RPS6KC1: variants seen among roughly 807,000 people sequenced by gnomAD.
RPS6KC1 encodes the protein ribosomal protein S6 kinase C1, also known as inactive ribosomal protein S6 kinase delta-1.
RPS6KC1 carries 54 observed loss-of-function variants against 103.8 expected under a neutral mutation model. The observed-to-expected ratio is 0.52, with a 90% CI of 0.42 to 0.65. RPS6KC1 has a LOEUF of 0.65. RPS6KC1 is among the 30% of genes least tolerant of loss of function. RPS6KC1 has a pLI of 0.00. For missense variants in RPS6KC1, 1,151 were observed against 1,253.8 expected (o/e 0.92, Z 1.24); for synonymous variants, 439 against 438.7 (o/e 1.00, Z -0.01).
At chr1:213,268,773 A>G (rs966533441) in intron 14 of RPS6KC1, among the ~76,000 whole-genome samples, 48 of 151,808 alleles carry the variant, frequency 3.2e-4, no homozygotes, top group African/African-American at 1.1e-3. Flanking sequence ...TGAAGTAGAT[A>G]AATGATCTTA....
intron 3 of RPS6KC1, among the ~76,000 whole-genome samples, chr1:213,103,694 G>A (rs1363498071): frequency 6.6e-6 from 1 of 152,142 alleles, no homozygotes; most frequent in Non-Finnish European, 1.5e-5. Context: ...ATGTGGTGAT[G>A]CTACTTTTCT....
At chr1:213,562,660 G>A in the RPS6KC1 span, among the ~76,000 whole-genome samples, 6 of 151,864 alleles carry the variant, frequency 4.0e-5, no homozygotes, top group Admixed American at 6.6e-5. Context: ...CAGCCACTGC[G>A]CCTGGCCAAA....
chr1:213,796,206 G>C, the RPS6KC1 span, among the ~76,000 whole-genome samples: 2 of 152,118 alleles, frequency 1.3e-5, no homozygotes, highest in Admixed American at 6.6e-5. Context: ...TTCCCTTCTT[G>C]TTTCATGTTA....
the RPS6KC1 span, among the ~76,000 whole-genome samples, chr1:213,297,043 T>A: frequency 1.3e-5 from 2 of 152,198 alleles, no homozygotes; most frequent in African/African-American, 4.8e-5. Flanking sequence ...TCTACCCTGC[T>A]TGTCTCACAA....
chr1:213,584,111 C>T, the RPS6KC1 span, among the ~76,000 whole-genome samples: 1 of 152,010 alleles, frequency 6.6e-6, no homozygotes, highest in African/African-American at 2.4e-5. Flanking sequence ...GATGTTTTTT[C>T]AAGCAGTTTC....
the RPS6KC1 span, among the ~76,000 whole-genome samples, chr1:213,328,789 C>T: frequency 6.6e-6 from 1 of 151,870 alleles, no homozygotes; most frequent in Admixed American, 6.6e-5. Context: ...TAAATGGACC[C>T]TACAATGGCT....
At chr1:213,429,290 A>T in the RPS6KC1 span, among the ~76,000 whole-genome samples, 1 of 152,080 alleles carries the variant, frequency 6.6e-6, no homozygotes, top group African/African-American at 2.4e-5. Flanking sequence ...AGTAGCTGGG[A>T]CCACAGGCAT....
intron 10 of RPS6KC1, among the ~76,000 whole-genome samples, chr1:213,236,554 G>A (rs543569845): frequency 7.2e-4 from 110 of 152,228 alleles, no homozygotes; most frequent in Middle Eastern, 3.4e-3. Flanking sequence ...TTTTAATAAA[G>A]CCCTTTCTTA....
the RPS6KC1 span, among the ~76,000 whole-genome samples, chr1:213,542,619 A>T: frequency 6.6e-6 from 1 of 152,238 alleles, no homozygotes; most frequent in Non-Finnish European, 1.5e-5. Flanking sequence ...AAAACATGAA[A>T]AAACTAGGCA....
chr1:213,270,819 A>G (rs2095030786), intron 14 of RPS6KC1, among the ~76,000 whole-genome samples: 1 of 152,236 alleles, frequency 6.6e-6, no homozygotes. Flanking sequence ...TTGAATGGCT[A>G]ACGAGCACAT....
chr1:213,533,636 G>C, the RPS6KC1 span, among the ~76,000 whole-genome samples: 1 of 152,166 alleles, frequency 6.6e-6, no homozygotes, highest in African/African-American at 2.4e-5. Flanking sequence ...TTTCATACAA[G>C]GTTTTTTGGA....
At chr1:213,614,753 C>G in the RPS6KC1 span, among the ~76,000 whole-genome samples, 1 of 152,226 alleles carries the variant, frequency 6.6e-6, no homozygotes, top group Non-Finnish European at 1.5e-5. Context: ...AGAAGTTTGC[C>G]ATGGCAGAAC....
At chr1:213,699,295 T>C in the RPS6KC1 span, among the ~76,000 whole-genome samples, 1 of 152,168 alleles carries the variant, frequency 6.6e-6, no homozygotes, top group Admixed American at 6.5e-5. Context: ...CTCACACAAA[T>C]AAGTGAGAAC....
At chr1:213,187,454 C>G (rs1196373643) in intron 8 of RPS6KC1, among the ~76,000 whole-genome samples, 3 of 152,036 alleles carry the variant, frequency 2.0e-5, no homozygotes, top group Non-Finnish European at 4.4e-5. Context: ...CCATGTTGGC[C>G]TGGCTGGTCT....
the RPS6KC1 span, among the ~76,000 whole-genome samples, chr1:213,568,426 C>T: frequency 6.0e-3 from 912 of 152,190 alleles, 9 homozygotes; most frequent in African/African-American, 0.017. Flanking sequence ...AGAGGAGTAC[C>T]GAGGACAGAA....
chr1:213,154,530 C>G (rs896733389), intron 6 of RPS6KC1, among the ~76,000 whole-genome samples: 2 of 152,200 alleles, frequency 1.3e-5, no homozygotes, highest in African/African-American at 4.8e-5. Context: ...ACCCCATAGC[C>G]ACTCACCCCA....
At chr1:213,286,779 A>T in the RPS6KC1 span, among the ~76,000 whole-genome samples, 3 of 152,226 alleles carry the variant, frequency 2.0e-5, no homozygotes, top group Non-Finnish European at 2.9e-5. Context: ...CAAAAAGACA[A>T]TCAGACAGGA....
At chr1:213,536,514 C>A in the RPS6KC1 span, among the ~76,000 whole-genome samples, 2 of 152,148 alleles carry the variant, frequency 1.3e-5, no homozygotes, top group Non-Finnish European at 2.9e-5. Context: ...GTGCCTAGGA[C>A]AACACCTGGG....
At chr1:213,515,186 T>G in the RPS6KC1 span, among the ~76,000 whole-genome samples, 1 of 152,244 alleles carries the variant, frequency 6.6e-6, no homozygotes, top group African/African-American at 2.4e-5. Flanking sequence ...GGTTGCCTGT[T>G]CACTCTGATG....
Sources: allele counts gnomAD v4.1 joint callset (sites outside exome capture counted in the v4.1 genomes callset), GRCh38; gene constraint gnomAD v4.1.1; transcripts MANE v1.5; gene names NCBI Gene and HGNC (gene_info 2026-07-23, HGNC 2026-07-21).